The following RBBP7 variants were observed in gnomAD, a reference collection of about 807,000 sequenced individuals.
The protein encoded by RBBP7 is RB binding protein 7, chromatin remodeling factor.
A neutral mutation model predicts 35.2 loss-of-function variants in RBBP7; 5 were observed. The observed-to-expected ratio is 0.14, with a 90% CI of 0.07 to 0.30. The LOEUF (loss-of-function observed/expected upper bound fraction) is 0.30. RBBP7 is among the 10% of genes least tolerant of loss of function. The probability of loss-of-function intolerance (pLI) is 1.00; values close to 1 mark genes in which losing one functional copy is unlikely to be tolerated. For missense variants in RBBP7, 155 were observed against 327.5 expected (o/e 0.47, Z 4.07); for synonymous variants, 140 against 118.7 (o/e 1.18, Z -1.17).
At chrX:16,867,154 G>C (rs1253831795) in intron 2 of RBBP7, among the ~76,000 whole-genome samples, 2 of 111,624 alleles carry the variant, frequency 1.8e-5, no homozygotes, top group Non-Finnish European at 3.8e-5. Flanking sequence ...TACTTATGCT[G>C]CACCAGGCAC....
chrX:16,869,950 T>G, intron 1 of RBBP7, 88 bp downstream of exon 1: 3 of 748,855 alleles, frequency 4.0e-6, no homozygotes, highest in Non-Finnish European at 4.7e-6. Flanking sequence ...CGCACGCCAA[T>G]TCGCGCCTTT....
intron 2 of RBBP7, among the ~76,000 whole-genome samples, chrX:16,864,542 A>AAAAG (rs1930557540): frequency 2.5e-5 from 1 of 40,711 alleles, no homozygotes; most frequent in African/African-American, 1.1e-4. Flanking sequence ...AAAAAAAAAA[A>AAAAG]AAAAAGAAAA....
chrX:16,852,441 A>T, intron 8 of RBBP7, 110 bp downstream of exon 8: 1 of 830,706 alleles, frequency 1.2e-6, no homozygotes, highest in Non-Finnish European at 1.8e-6. Flanking sequence ...ATGTAACACC[A>T]CGTACAAGAC....
chrX:16,862,216 G>A (rs1036804127), intron 3 of RBBP7, among the ~76,000 whole-genome samples: 1 of 112,006 alleles, frequency 8.9e-6, no homozygotes, highest in South Asian at 3.7e-4. Flanking sequence ...TGCTGCTTTT[G>A]TGTTCTTTAC....
At chrX:16,865,772 G>C (rs1346495864) in intron 2 of RBBP7, among the ~76,000 whole-genome samples, 1 of 112,397 alleles carries the variant, frequency 8.9e-6, no homozygotes, top group Non-Finnish European at 1.9e-5. Flanking sequence ...ATTCTCAGCA[G>C]TATTGTTTAT....
intron 5 of RBBP7, 50 bp from the exon 6 acceptor site, chrX:16,853,892 A>ATTT: frequency 2.5e-6 from 2 of 790,826 alleles, no homozygotes. Context: ...TAAGAGACTG[A>ATTT]TTTTTTTTTT....
rs759978060 is a variant in RBBP7, at chrX:16,870,024, G to A, written c.16+14C>T. The A allele has an allele frequency of 1.6e-5, 15 of 918,851 alleles. No homozygotes were observed. Among genetic ancestry groups the A allele is most frequent in the Non-Finnish European group, 2.1e-5 (15 of 729,250 alleles). The allele number at this position is 918,851 out of a possible 1,213,427, so 75.7% of individuals were successfully genotyped here. Reference sequence around the variant, plus strand: ...CCGCGGCCCCGGCGCGCGCCGCCCCGCAGGGCCTCTTACTCTCTTTACTCG... The same window carrying A: ...CCGCGGCCCCGGCGCGCGCCGCCCCACAGGGCCTCTTACTCTCTTTACTCG... On this transcript the variant is annotated intron_variant, in intron 1 of 11. Coordinates refer to ENST00000380087, the MANE Select transcript of RBBP7 (RefSeq NM_002893.4).
intron 9 of RBBP7, among the ~76,000 whole-genome samples, chrX:16,850,264 T>G (rs1054795087): frequency 8.9e-6 from 1 of 112,921 alleles, no homozygotes; most frequent in Non-Finnish European, 1.9e-5. Flanking sequence ...CTCGAACTCC[T>G]GGGTTCAAGC....
intron 3 of RBBP7, among the ~76,000 whole-genome samples, chrX:16,860,697 GA>G (rs1317345639): frequency 3.9e-3 from 385 of 97,611 alleles, no homozygotes; most frequent in African/African-American, 0.01. Context: ...AAAAAAAAAA[GA>G]AAAAAAAAAT....
chrX:16,869,528 T>G, intron 1 of RBBP7: 1 of 1,167,045 alleles, frequency 8.6e-7, no homozygotes, highest in Non-Finnish European at 1.1e-6. Flanking sequence ...GTACAGGGGC[T>G]GCGCGACCCA....
intron 2 of RBBP7, among the ~76,000 whole-genome samples, chrX:16,866,363 C>G (rs1425328001): frequency 1.9e-5 from 2 of 106,679 alleles, no homozygotes; most frequent in Non-Finnish European, 1.9e-5. Context: ...CTGTCTTTAC[C>G]AAAAATACAA....
intron 1 of RBBP7, chrX:16,869,611 C>T (rs1210371077): frequency 8.6e-7 from 1 of 1,160,149 alleles, no homozygotes; most frequent in Non-Finnish European, 1.1e-6. Flanking sequence ...GGGGAGGCCC[C>T]AGCTCCCACG....
At chrX:16,868,606 T>A (rs1428089340) in intron 2 of RBBP7, among the ~76,000 whole-genome samples, 1 of 112,690 alleles carries the variant, frequency 8.9e-6, no homozygotes, top group Non-Finnish European at 1.9e-5. Flanking sequence ...CGATAACATC[T>A]TTTCTTTGGT....
chrX:16,868,657 G>C (rs900114806), intron 2 of RBBP7, among the ~76,000 whole-genome samples: 1 of 112,423 alleles, frequency 8.9e-6, no homozygotes, highest in Non-Finnish European at 1.9e-5. Context: ...CAATTAAAAT[G>C]TATTTATCTT....
chrX:16,853,076 C>G, intron 6 of RBBP7: 1 of 512,394 alleles, frequency 2.0e-6, no homozygotes, highest in Non-Finnish European at 3.0e-6. Context: ...GGCTGTTAGT[C>G]CTGTTTTTTA....
chrX:16,867,629 G>A (rs761942516), intron 2 of RBBP7, among the ~76,000 whole-genome samples: 4 of 110,875 alleles, frequency 3.6e-5, no homozygotes, highest in East Asian at 5.6e-4. Context: ...TGGAGAACCC[G>A]GCCACTGTAA....
intron 5 of RBBP7, among the ~76,000 whole-genome samples, chrX:16,854,378 C>A (rs1930294567): frequency 1.8e-5 from 2 of 110,262 alleles, no homozygotes; most frequent in Admixed American, 1.9e-4. Flanking sequence ...AGACTGAGTA[C>A]AGTGGCAGGC....
chrX:16,862,874 AATAGT>A (rs1930508528), intron 3 of RBBP7, 76 bp downstream of exon 3: 1 of 1,042,863 alleles, frequency 9.6e-7, no homozygotes, highest in Admixed American at 2.4e-5. Context: ...GCCAAAAGCT[AATAGT>A]ATAGTTTTAA....
chrX:16,870,073 C>T lies in RBBP7; in HGVS notation c.-20G>A. 2 of 1,088,265 alleles carry T rather than the reference C, an allele frequency of 1.8e-6. No homozygotes were observed. Among genetic ancestry groups the T allele is most frequent in the African/African-American group, 3.8e-5 (2 of 52,783 alleles). 89.7% of individuals were successfully genotyped at this position (1,088,265 alleles called of 1,213,427 possible). Reference sequence around the variant, plus strand: ...CGCCATCTTGCGTCGGGTCGTTCGCCCCTCGCCGCCGCCTCGGACTCCTCT... The same window carrying T: ...CGCCATCTTGCGTCGGGTCGTTCGCTCCTCGCCGCCGCCTCGGACTCCTCT... On this transcript the variant is annotated 5_prime_UTR_variant, in exon 1 of 12. Transcript: ENST00000380087.
Sources: allele counts gnomAD v4.1 joint callset (sites outside exome capture counted in the v4.1 genomes callset), GRCh38; gene constraint gnomAD v4.1.1; transcripts MANE v1.5; gene names NCBI Gene and HGNC (gene_info 2026-07-23, HGNC 2026-07-21).